Variants in LRRC40 observed in about 807,000 individuals in gnomAD.
LRRC40 encodes leucine rich repeat containing 40, also known as leucine-rich repeat-containing protein 40.
LRRC40 carries 76 observed loss-of-function variants against 72.8 expected under a neutral mutation model. That is an observed-to-expected ratio of 1.04 (90% CI 0.87 to 1.26). The LOEUF is 1.26. Among genes scored for constraint, LRRC40 ranks in the 50% most tolerant of loss-of-function variants. The pLI is 0.00. For synonymous variants in LRRC40, 243 were observed against 254.2 expected, an observed-to-expected ratio of 0.96 and a Z score of 0.42; for missense variants, 684 against 698.9, an observed-to-expected ratio of 0.98 and a Z score of 0.24.
chr1:70,167,928 T>A (rs1038462841), intron 9 of LRRC40, among the ~76,000 whole-genome samples: 1 of 152,154 alleles, frequency 6.6e-6, no homozygotes, highest in Non-Finnish European at 1.5e-5. Flanking sequence ...GAAATGATTC[T>A]AATAGCAAAC....
chr1:70,179,736 C>T (rs1201166322), intron 5 of LRRC40, among the ~76,000 whole-genome samples: 1 of 152,038 alleles, frequency 6.6e-6, no homozygotes, highest in African/African-American at 2.4e-5. Flanking sequence ...GTCCATGCTG[C>T]TTATGTCTTC....
chr1:70,205,269 AC>A (rs1668909448), intron 1 of LRRC40, 120 bp downstream of exon 1: 1 of 945,724 alleles, frequency 1.1e-6, no homozygotes, highest in Admixed American at 2.3e-5. Flanking sequence ...AGATTAGAGC[AC>A]AGAAATTCTG....
chr1:70,169,736 G>A (rs1312823500), intron 9 of LRRC40, among the ~76,000 whole-genome samples: 1 of 151,996 alleles, frequency 6.6e-6, no homozygotes, highest in Non-Finnish European at 1.5e-5. Flanking sequence ...ACTGACTCAA[G>A]AAGAAACAGA....
intron 14 of LRRC40, 66 bp from the exon 15 acceptor site, chr1:70,145,971 A>G: frequency 1.4e-6 from 1 of 717,748 alleles, no homozygotes; most frequent in Non-Finnish European, 2.3e-6. Flanking sequence ...ATCTAATTTC[A>G]TTTGCAATTT....
At chr1:70,153,090 G>A (rs564516062) in intron 11 of LRRC40, among the ~76,000 whole-genome samples, 44 of 152,238 alleles carry the variant, frequency 2.9e-4, no homozygotes, top group African/African-American at 1.1e-3. Context: ...GCTGGGCACG[G>A]TGGCTCACAC....
intron 9 of LRRC40, among the ~76,000 whole-genome samples, chr1:70,161,712 C>T (rs147125150): frequency 0.02 from 3,004 of 152,170 alleles, 43 homozygotes; most frequent in Non-Finnish European, 0.032. Flanking sequence ...CACTCTGCCT[C>T]TCCAGAAGGT....
intron 6 of LRRC40, among the ~76,000 whole-genome samples, chr1:70,178,050 T>C (rs1015416215): frequency 2.0e-5 from 3 of 152,238 alleles, no homozygotes; most frequent in African/African-American, 7.2e-5. Flanking sequence ...ACATATGGCA[T>C]ACAAATTATG....
At chr1:70,205,053 C>A (rs1008272331) in intron 1 of LRRC40, among the ~76,000 whole-genome samples, 1 of 152,098 alleles carries the variant, frequency 6.6e-6, no homozygotes, top group Non-Finnish European at 1.5e-5. Context: ...AAAATAAGGG[C>A]CAAAGAAACA....
At chr1:70,183,022 G>A (rs1186724741) in intron 4 of LRRC40, among the ~76,000 whole-genome samples, 2 of 152,056 alleles carry the variant, frequency 1.3e-5, no homozygotes, top group Non-Finnish European at 2.9e-5. Flanking sequence ...AAGAAAATCT[G>A]ATGGCTTCCT....
At chr1:70,189,863 T>C (rs181773938) in intron 1 of LRRC40, among the ~76,000 whole-genome samples, 12 of 152,346 alleles carry the variant, frequency 7.9e-5, no homozygotes, top group African/African-American at 2.9e-4. Flanking sequence ...GCTAGACAAG[T>C]ACCACAGATG....
chr1:70,192,831 G>A (rs1668530254), intron 1 of LRRC40, among the ~76,000 whole-genome samples: 1 of 152,030 alleles, frequency 6.6e-6, no homozygotes, highest in South Asian at 2.1e-4. Context: ...GGTGGGAGGA[G>A]GGAGAGGATC....
chr1:70,159,044 C>T (rs537717758), intron 10 of LRRC40, among the ~76,000 whole-genome samples: 65 of 152,190 alleles, frequency 4.3e-4, no homozygotes, highest in African/African-American at 1.4e-3. Flanking sequence ...TCTATTTCAT[C>T]ATGGTTTTTT....
chr1:70,202,797 G>A (rs954890166), intron 1 of LRRC40, among the ~76,000 whole-genome samples: 6 of 152,136 alleles, frequency 3.9e-5, no homozygotes, highest in African/African-American at 1.4e-4. Flanking sequence ...GGGTATATGA[G>A]AATATAATGT....
At chr1:70,148,742 T>C (rs1667383677) in intron 13 of LRRC40, 70 bp from the exon 14 acceptor site, 5 of 955,362 alleles carry the variant, frequency 5.2e-6, no homozygotes, top group Admixed American at 5.1e-5. Flanking sequence ...AAACATATTA[T>C]CTTAAATTTG....
At chr1:70,184,220 T>C (rs1389751226) in intron 4 of LRRC40, among the ~76,000 whole-genome samples, 1 of 152,096 alleles carries the variant, frequency 6.6e-6, no homozygotes, top group Non-Finnish European at 1.5e-5. Context: ...TGCACTCCAG[T>C]CTGGGTGACA....
At chr1:70,177,651 G>T (rs942298852) in intron 6 of LRRC40, among the ~76,000 whole-genome samples, 32 of 152,292 alleles carry the variant, frequency 2.1e-4, no homozygotes, top group Non-Finnish European at 3.1e-4. Flanking sequence ...AAGAAAAGTT[G>T]AATTGCCTGA....
At chr1:70,164,592 G>A (rs886607314) in intron 9 of LRRC40, among the ~76,000 whole-genome samples, 1 of 152,084 alleles carries the variant, frequency 6.6e-6, no homozygotes, top group Non-Finnish European at 1.5e-5. Context: ...CCTCACCCTT[G>A]GCAGGCACAG....
At chr1:70,148,448 TA>T in intron 14 of LRRC40, 38 bp downstream of exon 14, 1 of 1,403,990 alleles carries the variant, frequency 7.1e-7, no homozygotes, top group Non-Finnish European at 9.6e-7. Context: ...AACAAATCAA[TA>T]AAATAAATGA....
At chr1:70,166,905 A>G (rs2100270498) in intron 9 of LRRC40, among the ~76,000 whole-genome samples, 1 of 151,860 alleles carries the variant, frequency 6.6e-6, no homozygotes, top group African/African-American at 2.4e-5. Context: ...AAAAGAAAGG[A>G]GAAAAAAGGA....
Sources: allele counts gnomAD v4.1 joint callset (sites outside exome capture counted in the v4.1 genomes callset), GRCh38; gene constraint gnomAD v4.1.1; transcripts MANE v1.5; gene names NCBI Gene and HGNC (gene_info 2026-07-23, HGNC 2026-07-21).